Variants in NKAIN2 observed in about 807,000 individuals in gnomAD.
NKAIN2 encodes sodium/potassium transporting ATPase interacting 2, also known as sodium/potassium-transporting ATPase subunit beta-1-interacting protein 2.
A neutral mutation model predicts 32.6 loss-of-function variants in NKAIN2; 14 were observed. That is an observed-to-expected ratio of 0.43 (90% CI 0.28 to 0.67). NKAIN2 has a LOEUF of 0.67. Ranked by LOEUF, NKAIN2 falls within the 30% of genes least tolerant of loss-of-function variation. The pLI, the probability that NKAIN2 is intolerant of heterozygous loss-of-function variation, is 0.17. For missense variants in NKAIN2, 198 were observed against 258.3 expected (o/e 0.77, Z 1.60); for synonymous variants, 80 against 87.2 (o/e 0.92, Z 0.46).
At chr6:123,895,136 CCTTTCTTCTCT>C in intron 1 of NKAIN2, among the ~76,000 whole-genome samples, 1 of 151,538 alleles carries the variant, frequency 6.6e-6, no homozygotes, top group Non-Finnish European at 1.5e-5. Context: ...ACTCTCCTTC[CCTTTCTTCTCT>C]CTTTCCTCAG....
intron 1 of NKAIN2, among the ~76,000 whole-genome samples, chr6:124,052,378 T>C (rs536368966): frequency 6.6e-6 from 1 of 152,200 alleles, no homozygotes; most frequent in African/African-American, 2.4e-5. Flanking sequence ...AACTCTGTAG[T>C]TGATCTTACG....
At chr6:124,158,487 G>A (rs1344667209) in intron 1 of NKAIN2, among the ~76,000 whole-genome samples, 1 of 152,090 alleles carries the variant, frequency 6.6e-6, no homozygotes, top group Admixed American at 6.6e-5. Flanking sequence ...AAAATTGTGT[G>A]GAATCAGACT....
intron 1 of NKAIN2, among the ~76,000 whole-genome samples, chr6:123,985,609 G>A (rs988456866): frequency 7.2e-5 from 11 of 152,126 alleles, no homozygotes; most frequent in African/African-American, 2.7e-4. Flanking sequence ...CACTCTATTA[G>A]CATTCTTTCA....
At chr6:124,505,372 C>T (rs1778436459) in intron 3 of NKAIN2, among the ~76,000 whole-genome samples, 1 of 152,146 alleles carries the variant, frequency 6.6e-6, no homozygotes, top group African/African-American at 2.4e-5. Flanking sequence ...CTAACAAATT[C>T]ACTGTATTTA....
chr6:124,742,276 T>G (rs1434601791), intron 4 of NKAIN2, among the ~76,000 whole-genome samples: 1 of 151,812 alleles, frequency 6.6e-6, no homozygotes, highest in Non-Finnish European at 1.5e-5. Flanking sequence ...AGGTTCACCC[T>G]CACTAATGAG....
intron 3 of NKAIN2, among the ~76,000 whole-genome samples, chr6:124,642,169 T>C (rs1280810257): frequency 6.6e-6 from 1 of 152,172 alleles, no homozygotes; most frequent in Non-Finnish European, 1.5e-5. Context: ...TAGATATAAA[T>C]TTTTTGTGTT....
chr6:124,394,227 A>G (rs1284811547), intron 3 of NKAIN2, among the ~76,000 whole-genome samples: 2 of 152,160 alleles, frequency 1.3e-5, no homozygotes, highest in African/African-American at 2.4e-5. Flanking sequence ...ATTGGGCTCC[A>G]TGAGATCATC....
chr6:124,098,338 C>T (rs1397577344), intron 1 of NKAIN2, among the ~76,000 whole-genome samples: 3 of 152,100 alleles, frequency 2.0e-5, no homozygotes, highest in South Asian at 2.1e-4. Context: ...ATGTCTCACA[C>T]GAGGAATGCC....
chr6:124,034,089 C>T (rs1264838523), intron 1 of NKAIN2, among the ~76,000 whole-genome samples: 1 of 151,904 alleles, frequency 6.6e-6, no homozygotes, highest in Non-Finnish European at 1.5e-5. Flanking sequence ...TTTGTGTTAG[C>T]CACATTCACA....
At chr6:124,536,729 GCTT>G (rs1779730372) in intron 3 of NKAIN2, among the ~76,000 whole-genome samples, 1 of 152,098 alleles carries the variant, frequency 6.6e-6, no homozygotes, top group Admixed American at 6.6e-5. Flanking sequence ...CCTCTCTCAC[GCTT>G]CTTTGCTGCT....
At position 124,662,178 on chromosome 6, in the gene NKAIN2, C is replaced by T. The variant is rs1484183272; in HGVS notation, c.474+3792C>T. ...GCCATGATTGATTAGCTATGTCTGC[C>T]ACAGGTGAGGGGAATGAAGAGGGAT... On this transcript the variant is annotated intron_variant, in intron 4 of 6. Transcript: ENST00000368417. Among the ~76,000 whole-genome samples the T allele has an allele frequency of 2.0e-5, 3 of 152,240 alleles. No individual in the cohort carries two copies. In the East Asian group the frequency reaches 5.8e-4, roughly 29 times the overall value.
intron 3 of NKAIN2, among the ~76,000 whole-genome samples, chr6:124,384,192 A>G (rs1209666054): frequency 2.0e-5 from 3 of 152,166 alleles, no homozygotes; most frequent in Non-Finnish European, 4.4e-5. Context: ...GGAAAGTAAG[A>G]TTCATGAGAA....
chr6:123,952,180 T>G (rs1048543044), intron 1 of NKAIN2, among the ~76,000 whole-genome samples: 1 of 152,140 alleles, frequency 6.6e-6, no homozygotes, highest in African/African-American at 2.4e-5. Context: ...TAATCCCCTT[T>G]GTTAAAAAAT....
chr6:124,308,636 G>A (rs565327832), intron 2 of NKAIN2, among the ~76,000 whole-genome samples: 9 of 152,048 alleles, frequency 5.9e-5, no homozygotes, highest in African/African-American at 1.9e-4. Flanking sequence ...ATTTAATCTC[G>A]GCACTTTCTT....
intron 1 of NKAIN2, among the ~76,000 whole-genome samples, chr6:124,185,839 T>C (rs555326467): frequency 4.1e-5 from 6 of 145,486 alleles, no homozygotes; most frequent in Non-Finnish European, 9.2e-5. Flanking sequence ...GATACAGAAA[T>C]AATACCAACA....
At chr6:124,255,772 C>T (rs1405068729) in intron 1 of NKAIN2, among the ~76,000 whole-genome samples, 2 of 152,184 alleles carry the variant, frequency 1.3e-5, no homozygotes, top group Non-Finnish European at 2.9e-5. Flanking sequence ...ACCATCACCC[C>T]AGTCATAACC....
At chr6:124,410,508 G>T (rs887285706) in intron 3 of NKAIN2, among the ~76,000 whole-genome samples, 1 of 152,176 alleles carries the variant, frequency 6.6e-6, no homozygotes, top group African/African-American at 2.4e-5. Flanking sequence ...GAGCGGTTTT[G>T]AGTGAGTTTC....
chr6:124,588,744 T>C (rs1042746901), intron 3 of NKAIN2, among the ~76,000 whole-genome samples: 2 of 152,202 alleles, frequency 1.3e-5, no homozygotes, highest in African/African-American at 2.4e-5. Context: ...TCACAGACTT[T>C]CTGGTGTACC....
At position 123,915,829 on chromosome 6, in the gene NKAIN2, T is replaced by C. The variant is rs571908001; in HGVS notation, c.54+111575T>C. Among the ~76,000 whole-genome samples, 200 of 152,284 alleles carry C rather than the reference T, an allele frequency of 1.3e-3. 1 individual carries two copies. Among genetic ancestry groups the C allele is most frequent in the African/African-American group, 4.6e-3 (193 of 41,576 alleles). ...TTCCTAAATGTTTATTAAATAAACATTTAATAGACACTTGTCATAGTAAAA... is the reference window on the plus strand; with the variant it reads ...TTCCTAAATGTTTATTAAATAAACACTTAATAGACACTTGTCATAGTAAAA... On this transcript the variant is annotated intron_variant, in intron 1 of 6. Transcript: ENST00000368417.
Sources: gnomAD v4.1 joint callset for allele counts (sites outside exome capture counted in the v4.1 genomes callset) on GRCh38, gnomAD v4.1.1 for gene constraint, MANE v1.5 for transcripts, NCBI Gene and HGNC (gene_info 2026-07-23, HGNC 2026-07-21) for gene names.